Variants in PPP2R1B observed in about 807,000 individuals in gnomAD.
The protein encoded by PPP2R1B is serine/threonine-protein phosphatase 2A 65 kDa regulatory subunit A beta isoform.
PPP2R1B carries 58 observed loss-of-function variants against 72.7 expected under a neutral mutation model. The observed-to-expected ratio is 0.80, with a 90% confidence interval of 0.65 to 0.99. The LOEUF is 0.99. PPP2R1B is among the 50% of genes least tolerant of loss of function. PPP2R1B has a pLI of 0.00. For missense variants in PPP2R1B, 695 were observed against 733.6 expected, an observed-to-expected ratio of 0.95 and a Z score of 0.61; for synonymous variants, 256 against 264.6, an observed-to-expected ratio of 0.97 and a Z score of 0.32.
intron 1 of PPP2R1B, 97 bp downstream of exon 1, chr11:111,766,151 C>A: frequency 8.4e-7 from 1 of 1,184,256 alleles, no homozygotes; most frequent in South Asian, 1.3e-5. Context: ...CCGACTCATT[C>A]AGTACCTCGG....
chr11:111,697,761 C>T, the PPP2R1B span, among the ~76,000 whole-genome samples: 1 of 151,818 alleles, frequency 6.6e-6, no homozygotes, highest in Admixed American at 6.6e-5. Context: ...GGTGCTGAGG[C>T]AGGAGGGTCA....
chr11:111,751,619 A>T (rs1011095722), intron 10 of PPP2R1B, among the ~76,000 whole-genome samples: 3 of 152,224 alleles, frequency 2.0e-5, no homozygotes. Context: ...TTCTGGTCCC[A>T]AACATGCTGG....
At chr11:111,697,151 G>C in the PPP2R1B span, among the ~76,000 whole-genome samples, 1 of 152,202 alleles carries the variant, frequency 6.6e-6, no homozygotes, top group Non-Finnish European at 1.5e-5. Context: ...CTGCAACTTA[G>C]TAGCTAGCTG....
At chr11:111,764,707 T>C (rs1225104200) in intron 3 of PPP2R1B, 98 bp downstream of exon 3, 3 of 1,188,274 alleles carry the variant, frequency 2.5e-6, no homozygotes, top group Admixed American at 4.2e-5. Context: ...CATAAAAAGA[T>C]CTGCATAAAA....
chr11:111,727,958 A>G (rs1436396018), intron 15 of PPP2R1B: 1 of 152,252 alleles, frequency 6.6e-6, no homozygotes, highest in Non-Finnish European at 1.5e-5. Flanking sequence ...ACCTGTATCA[A>G]CAGTCACATT....
chr11:111,755,966 T>C (rs1005431319), intron 5 of PPP2R1B, among the ~76,000 whole-genome samples: 3 of 151,908 alleles, frequency 2.0e-5, no homozygotes, highest in Non-Finnish European at 4.4e-5. Flanking sequence ...ACCAGCACTC[T>C]GGGAGGCTGA....
chr11:111,693,326 C>T, the PPP2R1B span, among the ~76,000 whole-genome samples: 1 of 148,472 alleles, frequency 6.7e-6, no homozygotes, highest in Non-Finnish European at 1.5e-5. Flanking sequence ...GAGGAGACTC[C>T]GTCTCAAAAA....
chr11:111,757,783 T>C (rs1003587925), intron 5 of PPP2R1B, among the ~76,000 whole-genome samples: 12 of 146,090 alleles, frequency 8.2e-5, no homozygotes, highest in Admixed American at 7.7e-4. Flanking sequence ...TGCAGTGAGC[T>C]GGGATCATGC....
intron 11 of PPP2R1B, among the ~76,000 whole-genome samples, chr11:111,746,099 A>T (rs570805475): frequency 6.6e-5 from 10 of 152,358 alleles, no homozygotes; most frequent in African/African-American, 2.4e-4. Flanking sequence ...TCTTACAGAG[A>T]AAGGGTGCCA....
the PPP2R1B span, among the ~76,000 whole-genome samples, chr11:111,715,318 C>T: frequency 6.6e-6 from 1 of 152,214 alleles, no homozygotes; most frequent in Non-Finnish European, 1.5e-5. Flanking sequence ...CACACACACA[C>T]ACAGAAAAAC....
chr11:111,757,286 G>A (rs1255311256), intron 5 of PPP2R1B, among the ~76,000 whole-genome samples: 3 of 152,048 alleles, frequency 2.0e-5, no homozygotes, highest in Non-Finnish European at 2.9e-5. Flanking sequence ...ATGTATATAC[G>A]TATACACATA....
the PPP2R1B span, chr11:111,688,029 T>C: frequency 6.2e-7 from 1 of 1,614,220 alleles, no homozygotes; most frequent in Non-Finnish European, 8.5e-7. The surrounding 1 kb of genome is among the most constrained non-coding windows in gnomAD (Gnocchi z 4.2). Context: ...GCCGGTTAAA[T>C]GAGTCTGAAG....
the PPP2R1B span, among the ~76,000 whole-genome samples, chr11:111,702,669 C>CGTGTG: frequency 2.6e-5 from 4 of 152,138 alleles, no homozygotes; most frequent in Non-Finnish European, 5.9e-5. Flanking sequence ...TGAAGAGCAT[C>CGTGTG]ATGTCAGCTC....
At position 111,743,440 on chromosome 11, in the gene PPP2R1B, T is replaced by G; in HGVS notation, c.1490A>C (p.Lys497Thr). 1 of 1,613,624 alleles carries G rather than the reference T, an allele frequency of 6.2e-7. No individual in the cohort carries two copies. Among genetic ancestry groups the G allele is most frequent in the Non-Finnish European group, 8.5e-7 (1 of 1,179,556 alleles). ...AGGATCATTTGCCATTACTAACACT[T>G]TGGGAACAATAGTATTTTGGGCCCA... ...TEWAQNTIVP[K>T]VLVMANDPNY... The change falls in exon 12 of 15, where the codon AAA becomes ACA. Residue 497 changes from lysine to threonine, a missense_variant. By Grantham distance (78) the Lys-to-Thr change is moderately conservative. Transcript: ENST00000527614.
At position 111,755,424 on chromosome 11, in the gene PPP2R1B, T is replaced by C. The variant is rs781827659; in HGVS notation, c.714A>G (p.Glu238=). ...EQDSVRLLAV[E]ACVSIAQLLS... ...ATAACTGGGCAATACTGACACAAGC[T>C]TCCACAGCAAGGAGGCGCACTGAAT... Residue 238 remains glutamate, a synonymous_variant, in exon 6 of 15, where the codon GAA becomes GAG. Coordinates refer to ENST00000527614, the MANE Select transcript of PPP2R1B (RefSeq NM_002716.5). 1.6e-5 allele frequency: 26 copies of C among 1,609,248 alleles called. No individual in the cohort carries two copies. The highest frequency in any genetic ancestry group is 2.2e-5 in the Non-Finnish European group (26 of 1,178,878).
At chr11:111,747,522 A>C (rs1167696123) in intron 11 of PPP2R1B, among the ~76,000 whole-genome samples, 1 of 152,062 alleles carries the variant, frequency 6.6e-6, no homozygotes, top group Non-Finnish European at 1.5e-5. Context: ...CTCACTGTAG[A>C]TCTCCTCTTC....
At chr11:111,765,160 A>T (rs1945475953) in intron 2 of PPP2R1B, 134 bp downstream of exon 2, 4 of 1,036,256 alleles carry the variant, frequency 3.9e-6, no homozygotes, top group Admixed American at 4.8e-5. Flanking sequence ...CTAACAATAT[A>T]CTCTGTTCTG....
At chr11:111,735,044 G>T (rs1395953831), downstream of PPP2R1B, among the ~76,000 whole-genome samples, 1 of 152,218 alleles carries the variant, frequency 6.6e-6, no homozygotes, top group Non-Finnish European at 1.5e-5. Context: ...GGGCCCAAGG[G>T]ACTCTCTGAG....
the PPP2R1B span, chr11:111,688,294 T>G: frequency 1.2e-6 from 1 of 850,350 alleles, no homozygotes; most frequent in Non-Finnish European, 1.8e-6. The surrounding 1 kb of genome is among the most constrained non-coding windows in gnomAD (Gnocchi z 4.2). Flanking sequence ...AAGTCCATTT[T>G]ATTCATTTCC....
Sources: gnomAD v4.1 joint callset for allele counts (sites outside exome capture counted in the v4.1 genomes callset) on GRCh38, gnomAD v4.1.1 for gene constraint, Gnocchi (gnomAD v3.1) non-coding constraint, MANE v1.5 for transcripts, NCBI Gene and HGNC (gene_info 2026-07-23, HGNC 2026-07-21) for gene names.